The following PRLR variants were observed in gnomAD, a reference collection of about 807,000 sequenced individuals.
PRLR encodes hPRL receptor.
A neutral mutation model predicts 40.2 loss-of-function variants in PRLR; 13 were observed. That is an observed-to-expected ratio of 0.32 (90% CI 0.21 to 0.51). The LOEUF is 0.51. Ranked by LOEUF, PRLR falls within the 20% of genes least tolerant of loss-of-function variation. PRLR has a pLI of 0.97. For synonymous variants in PRLR, 269 were observed against 278.7 expected, an observed-to-expected ratio of 0.97 and a Z score of 0.35; for missense variants, 656 against 747.3, an observed-to-expected ratio of 0.88 and a Z score of 1.42.
intron 1 of PRLR, among the ~76,000 whole-genome samples, chr5:35,139,048 G>A (rs1192474691): frequency 6.6e-6 from 1 of 152,122 alleles, no homozygotes; most frequent in East Asian, 1.9e-4. Context: ...TATGGGAGAG[G>A]GAATATTTTC....
At chr5:35,177,434 A>G (rs1775180967) in intron 1 of PRLR, among the ~76,000 whole-genome samples, 1 of 152,084 alleles carries the variant, frequency 6.6e-6, no homozygotes, top group African/African-American at 2.4e-5. Context: ...TTCACCACCT[A>G]AGGAAACTAA....
In PRLR at chr5:35,084,716, C is replaced by T. The variant is rs1487036937; in HGVS notation, c.204-77G>A. The stretch of plus-strand genomic sequence containing the variant: ...AGTTTTTTTCTTCATAGATCAATAC[C>T]ACTGGCCTTTGGGTATCAGAAATTC... On this transcript the variant is annotated intron_variant, in intron 4 of 9. Coordinates refer to ENST00000618457, the MANE Select transcript of PRLR (RefSeq NM_000949.7). 11 of 1,378,986 alleles carry T rather than the reference C, an allele frequency of 8.0e-6. No homozygotes were observed. The Admixed American group carries it at 9.5e-5, about 12-fold the overall frequency. 85.4% of individuals were successfully genotyped at this position (1,378,986 alleles called of 1,614,324 possible).
At chr5:35,209,899 CAA>C (rs1221112446) in intron 1 of PRLR, among the ~76,000 whole-genome samples, 1 of 152,210 alleles carries the variant, frequency 6.6e-6, no homozygotes, top group Admixed American at 6.5e-5. Context: ...ACAATATTCT[CAA>C]AAGAGTAGCC....
Position 35,187,191 on chromosome 5 carries a change from A to T in PRLR, c.-106+43077T>A, listed in dbSNP as rs1473043016. On this transcript the variant is annotated intron_variant, in intron 1 of 9. Coordinates refer to ENST00000618457, the MANE Select transcript of PRLR (RefSeq NM_000949.7). ...TGAGGCACGTGGACCACTTGAGGTC[A>T]GGAGTTTGAGACCAGTCTGGCCAAC... 2.0e-5 allele frequency among the ~76,000 whole-genome samples: 3 copies of T among 152,306 alleles called. No homozygotes were observed. In the South Asian group the frequency reaches 6.2e-4, roughly 32 times the overall value.
At chr5:35,197,409 C>T (rs767271762) in intron 1 of PRLR, among the ~76,000 whole-genome samples, 1 of 152,206 alleles carries the variant, frequency 6.6e-6, no homozygotes, top group East Asian at 1.9e-4. Flanking sequence ...CCAGGTCTAC[C>T]CAAGTGCGGG....
At chr5:35,070,841 C>CAAAAAAAAA (rs34668616) in intron 6 of PRLR, among the ~76,000 whole-genome samples, 3 of 69,148 alleles carry the variant, frequency 4.3e-5, no homozygotes, top group Non-Finnish European at 6.1e-5. Context: ...AACTCCGTCT[C>CAAAAAAAAA]AAAAAAAAAA....
intron 1 of PRLR, among the ~76,000 whole-genome samples, chr5:35,192,168 A>T (rs1194150453): frequency 6.6e-6 from 1 of 152,172 alleles, no homozygotes; most frequent in African/African-American, 2.4e-5. Flanking sequence ...TATTGCCAAG[A>T]CCTACTCTGT....
chr5:35,181,768 G>A (rs1775303454), intron 1 of PRLR, among the ~76,000 whole-genome samples: 2 of 152,200 alleles, frequency 1.3e-5, no homozygotes, highest in African/African-American at 4.8e-5. Context: ...AATAACACAG[G>A]CTCTATGTGC....
intron 5 of PRLR, among the ~76,000 whole-genome samples, chr5:35,080,150 C>T (rs1171609542): frequency 6.6e-6 from 1 of 152,138 alleles, no homozygotes; most frequent in Non-Finnish European, 1.5e-5. Context: ...ATGACTAAAA[C>T]ACCAAAAGCA....
At chr5:35,097,181 C>G (rs1324443596) in intron 2 of PRLR, among the ~76,000 whole-genome samples, 1 of 152,132 alleles carries the variant, frequency 6.6e-6, no homozygotes, top group Non-Finnish European at 1.5e-5. Flanking sequence ...AACTTTATCT[C>G]ACAAGCCTCC....
rs907556773 is a variant in PRLR at position 35,064,858 on chromosome 5, A to T, written c.*231T>A. On this transcript the variant is annotated 3_prime_UTR_variant, in exon 10 of 10. Coordinates refer to ENST00000618457, the MANE Select transcript of PRLR (RefSeq NM_000949.7). ...TGTGCTTTTATTTCATTGAACACAT[A>T]GTTTTATAACTAACAGCAAAAAGTA... The T allele has an allele frequency of 4.8e-5, 26 of 536,934 alleles. No homozygotes were observed. The highest frequency in any genetic ancestry group is 5.0e-4 in the Middle Eastern group (1 of 2,006). The allele number at this position is 536,934 out of a possible 1,614,324, so 33.3% of individuals were successfully genotyped here. A position where few individuals can be genotyped will look rare whatever the true frequency, so the allele number is the denominator to read the frequency against.
At chr5:35,208,144 C>T (rs1354963755) in intron 1 of PRLR, among the ~76,000 whole-genome samples, 1 of 149,596 alleles carries the variant, frequency 6.7e-6, no homozygotes, top group Non-Finnish European at 1.5e-5. Context: ...TTGACCACCA[C>T]CCTGCCCTGC....
rs78767398 is a variant in PRLR at position 35,123,345 on chromosome 5, G to A, written c.-105-5223C>T. 3.5e-3 allele frequency among the ~76,000 whole-genome samples: 530 copies of A among 152,238 alleles called. 3 individuals are homozygous for A. Among genetic ancestry groups the A allele is most frequent in the African/African-American group, 0.011 (455 of 41,538 alleles). ...GCTTTATTTCATTTAATCTTCATAA[G>A]TACACTTTGAGAACCAAGCTTCTTA... is the stretch of plus-strand genomic sequence containing the variant. On this transcript the variant is annotated intron_variant, in intron 1 of 9. Transcript: ENST00000618457.
At chr5:35,177,598 A>T (rs541401641) in intron 1 of PRLR, among the ~76,000 whole-genome samples, 20 of 152,234 alleles carry the variant, frequency 1.3e-4, no homozygotes, top group African/African-American at 4.6e-4. Flanking sequence ...TTTACTTACC[A>T]TAACATTTTT....
downstream of PRLR, among the ~76,000 whole-genome samples, chr5:35,051,508 A>G (rs1012944292): frequency 3.9e-5 from 6 of 152,226 alleles, no homozygotes; most frequent in South Asian, 2.1e-4. Flanking sequence ...TGAGATGAGA[A>G]TCCTTAGAGT....
rs150370381 is a variant in PRLR at position 35,220,227 on chromosome 5, C to T, written c.-106+10041G>A. 7.2e-5 allele frequency among the ~76,000 whole-genome samples: 11 copies of T among 152,310 alleles called. No individual in the cohort carries two copies. The East Asian group carries it at 2.1e-3, about 29-fold the overall frequency. ...AGCACTTAACAGCCTAACTCCATCC[C>T]ATGACCTCGGGCCCTCCTTGCTCTT... On this transcript the variant is annotated intron_variant, in intron 1 of 9. Coordinates refer to ENST00000618457, the MANE Select transcript of PRLR (RefSeq NM_000949.7).
intron 8 of PRLR, among the ~76,000 whole-genome samples, chr5:35,050,675 A>C (rs1287594820): frequency 6.6e-6 from 1 of 152,238 alleles, no homozygotes; most frequent in Admixed American, 6.5e-5. Flanking sequence ...GTGATTTATC[A>C]GTTAAGTCCT....
Position 35,118,940 on chromosome 5 carries a change from A to C in PRLR, c.-105-818T>G, listed in dbSNP as rs1773173229. 2.0e-5 allele frequency among the ~76,000 whole-genome samples: 3 copies of C among 151,986 alleles called. No individual in the cohort carries two copies. In the South Asian group the frequency reaches 6.3e-4, roughly 32 times the overall value. On this transcript the variant is annotated intron_variant, in intron 1 of 9. Coordinates refer to ENST00000618457, the MANE Select transcript of PRLR (RefSeq NM_000949.7). ...GCCCCAAGTAGCTGGGACTACAGGC[A>C]CATGTCATTACACCTGGCGAAGTTT... is the stretch of plus-strand genomic sequence containing the variant.
chr5:35,075,485 G>C (rs942437524), intron 5 of PRLR, among the ~76,000 whole-genome samples: 1 of 152,220 alleles, frequency 6.6e-6, no homozygotes, highest in African/African-American at 2.4e-5. Context: ...CAGTGAGGCT[G>C]GGGGAGGGGT....
Sources: allele counts gnomAD v4.1 joint callset (sites outside exome capture counted in the v4.1 genomes callset), GRCh38; gene constraint gnomAD v4.1.1; transcripts MANE v1.5; gene names NCBI Gene and HGNC (gene_info 2026-07-23, HGNC 2026-07-21).